Variants in COL9A1 observed in about 807,000 individuals in gnomAD.
COL9A1 encodes the protein collagen alpha-1(IX) chain.
A neutral mutation model predicts 142.6 loss-of-function variants in COL9A1; 104 were observed. The ratio of observed to expected loss-of-function variants is 0.73; its 90% CI spans 0.62 to 0.86. The LOEUF (loss-of-function observed/expected upper bound fraction) is 0.86. Ranked by LOEUF, COL9A1 falls within the 40% of genes least tolerant of loss-of-function variation. The pLI, the probability that COL9A1 is intolerant of heterozygous loss-of-function variation, is 0.00. For synonymous variants in COL9A1, 466 were observed against 396.0 expected (o/e 1.18, Z -2.10); for missense variants, 1,210 against 1,176.6 (o/e 1.03, Z -0.42).
chr6:70,260,690 G>A lies in COL9A1; in HGVS notation c.1416C>T (p.Gly472=), dbSNP rs1771621143. ...QGPPGAQGLR[G]ITGIVGDKGE... ...CTTTGTCCCCAACTATGCCGGTGAT[G>A]CCTCGCAAACCCTGGGCTCCCTGGA... The change falls in exon 20 of 38, where the codon GGC becomes GGT. Residue 472 remains glycine, a synonymous_variant. Transcript: ENST00000357250. The A allele has an allele frequency of 6.2e-7, 1 of 1,613,834 alleles. No homozygotes were observed. Among genetic ancestry groups the A allele is most frequent in the Non-Finnish European group, 8.5e-7 (1 of 1,179,900 alleles).
chr6:70,263,390 G>A, intron 18 of COL9A1, 93 bp from the exon 19 acceptor site: 2 of 1,049,140 alleles, frequency 1.9e-6, no homozygotes, highest in Non-Finnish European at 2.8e-6. Flanking sequence ...TATGTTTTAA[G>A]TTAACTTGGT....
At chr6:70,282,833 C>A (rs557997661) in intron 7 of COL9A1, 65 bp downstream of exon 7, 3 of 1,612,460 alleles carry the variant, frequency 1.9e-6, no homozygotes, top group South Asian at 1.1e-5. Context: ...CTCCCTCGAC[C>A]GCTGCGCCCC....
At chr6:70,237,075 G>A (rs946573766) in intron 33 of COL9A1, among the ~76,000 whole-genome samples, 4 of 152,208 alleles carry the variant, frequency 2.6e-5, no homozygotes, top group South Asian at 2.1e-4. Flanking sequence ...TGCCCACCTC[G>A]GCCTCCCAAA....
intron 2 of COL9A1, among the ~76,000 whole-genome samples, chr6:70,301,731 A>G (rs942434566): frequency 2.0e-5 from 3 of 152,148 alleles, no homozygotes; most frequent in African/African-American, 7.2e-5. Context: ...ACATTTACCA[A>G]TCACCATCTG....
At chr6:70,300,992 C>T (rs1241869695) in intron 2 of COL9A1, among the ~76,000 whole-genome samples, 1 of 152,044 alleles carries the variant, frequency 6.6e-6, no homozygotes, top group African/African-American at 2.4e-5. Flanking sequence ...GATTTGATTT[C>T]ATAAATTCGT....
At chr6:70,225,798 C>T in intron 37 of COL9A1, 134 bp downstream of exon 37, 2 of 736,296 alleles carry the variant, frequency 2.7e-6, no homozygotes, top group South Asian at 3.0e-5. Context: ...CTTGAAAAAT[C>T]TATGCTAGCC....
At chr6:70,255,597 G>A (rs1429479784) in intron 21 of COL9A1, among the ~76,000 whole-genome samples, 2 of 152,146 alleles carry the variant, frequency 1.3e-5, no homozygotes, top group Admixed American at 6.5e-5. Flanking sequence ...ACTGACACTT[G>A]ATGGTCTTTT....
At chr6:70,244,180 T>C (rs986343731) in intron 28 of COL9A1, among the ~76,000 whole-genome samples, 1 of 152,216 alleles carries the variant, frequency 6.6e-6, no homozygotes, top group Non-Finnish European at 1.5e-5. Flanking sequence ...GACTTATAGG[T>C]GATTTAAACT....
Position 70,241,433 on chromosome 6 carries a change from G to A in COL9A1, c.2020C>T (p.Pro674Ser). The change falls in exon 31 of 38, where the codon CCA (proline) becomes TCA (serine). Residue 674 changes from proline to serine, a missense_variant. Pro to Ser is a moderately conservative substitution (Grantham distance 74). Coordinates refer to ENST00000357250, the MANE Select transcript of COL9A1 (RefSeq NM_001851.6). ...GDRGVVGEPG[P>S]KGEQGASGEE... ...ATAAGACTGACCTGTTCACCCTTTG[G>A]ACCCGGTTCACCGACTACACCCTGT... The A allele has an allele frequency of 6.2e-7, 1 of 1,611,028 alleles. No individual in the cohort carries two copies. Among genetic ancestry groups the A allele is most frequent in the East Asian group, 2.2e-5 (1 of 44,862 alleles).
intron 13 of COL9A1, 77 bp downstream of exon 13, chr6:70,271,988 A>C: frequency 7.1e-7 from 1 of 1,400,634 alleles, no homozygotes; most frequent in Non-Finnish European, 1.0e-6. Context: ...GACCGTTAGT[A>C]GGAGAATAAG....
chr6:70,233,401 T>TA (rs1233751476), intron 35 of COL9A1, among the ~76,000 whole-genome samples: 1 of 152,210 alleles, frequency 6.6e-6, no homozygotes, highest in Non-Finnish European at 1.5e-5. Flanking sequence ...GAGTTAGTCT[T>TA]AAAAATTAAT....
Position 70,240,726 on chromosome 6 carries a change from G to C in COL9A1, c.2042C>G (p.Ser681Cys), listed in dbSNP as rs1770203775. 2 of 1,611,894 alleles carry C rather than the reference G, an allele frequency of 1.2e-6. No individual in the cohort carries two copies. Among genetic ancestry groups the C allele is most frequent in the African/African-American group, 2.7e-5 (2 of 74,534 alleles). Residue 681 changes from serine to cysteine, a missense_variant, in exon 32 of 38, where the codon TCT becomes TGT. By Grantham distance (112) the Ser-to-Cys change is moderately radical. Coordinates refer to ENST00000357250, the MANE Select transcript of COL9A1 (RefSeq NM_001851.6). ...TTCTCCTGCTTCACCTTCTTCACCA[G>C]AGGCACCCTAAAAATTAAGATAAAA... ...EPGPKGEQGA[S>C]GEEGEAGERG...
intron 20 of COL9A1, among the ~76,000 whole-genome samples, chr6:70,259,161 A>T (rs1264877678): frequency 6.6e-6 from 1 of 152,220 alleles, no homozygotes; most frequent in African/African-American, 2.4e-5. Context: ...TGACAAAAAA[A>T]TGATAAATAA....
chr6:70,281,271 G>T, intron 8 of COL9A1, 119 bp downstream of exon 8: 1 of 976,606 alleles, frequency 1.0e-6, no homozygotes, highest in Non-Finnish European at 1.5e-6. Context: ...TAAGTGGGGT[G>T]GCAGGAAGGG....
At chr6:70,223,828 G>A (rs1427965312) in intron 37 of COL9A1, among the ~76,000 whole-genome samples, 1 of 152,124 alleles carries the variant, frequency 6.6e-6, no homozygotes, top group Non-Finnish European at 1.5e-5. Context: ...GGTAACAAAA[G>A]TCCAAAAAAG....
Position 70,242,694 on chromosome 6 carries a change from G to A in COL9A1, c.1894C>T (p.Pro632Ser). The A allele has an allele frequency of 6.2e-7, 1 of 1,614,112 alleles. No individual in the cohort carries two copies. The highest frequency in any genetic ancestry group is 8.5e-7 in the Non-Finnish European group (1 of 1,179,980). Residue 632 changes from proline to serine, a missense_variant, in exon 29 of 38, where the codon CCA becomes TCA. Coordinates refer to ENST00000357250, the MANE Select transcript of COL9A1 (RefSeq NM_001851.6). Reference protein sequence around the residue: ...GLPGSRGELGPVGSPGLPGKL... With the variant: ...GLPGSRGELGSVGSPGLPGKL... ...CCTGGTAGGCCTGGGGATCCCACTG[G>A]TCCTAATTCTCCTCTACTGCCCTGT... is the stretch of plus-strand genomic sequence containing the variant.
chr6:70,281,553 G>C, intron 7 of COL9A1, 89 bp from the exon 8 acceptor site: 1 of 1,014,984 alleles, frequency 9.9e-7, no homozygotes, highest in Non-Finnish European at 1.4e-6. Flanking sequence ...CGCCTCCGTG[G>C]GGTAAAAGTT....
chr6:70,279,971 C>A, intron 10 of COL9A1: 1 of 687,724 alleles, frequency 1.5e-6, no homozygotes, highest in Non-Finnish European at 2.7e-6. Context: ...GACGCCATTT[C>A]TTACTTCACT....
At chr6:70,263,467 C>G (rs1443567731) in intron 18 of COL9A1, among the ~76,000 whole-genome samples, 170 bp from the exon 19 acceptor site, 1 of 151,936 alleles carries the variant, frequency 6.6e-6, no homozygotes, top group Admixed American at 6.6e-5. Flanking sequence ...GTAGAACATT[C>G]AGAAAATACA....
Sources: gnomAD v4.1 joint callset for allele counts (sites outside exome capture counted in the v4.1 genomes callset) on GRCh38, gnomAD v4.1.1 for gene constraint, MANE v1.5 for transcripts, NCBI Gene and HGNC (gene_info 2026-07-23, HGNC 2026-07-21) for gene names.